Variants in TIAM1 observed in about 807,000 individuals in gnomAD.
The protein encoded by TIAM1 is TIAM Rac1 associated GEF 1, also known as rho guanine nucleotide exchange factor TIAM1.
A neutral mutation model predicts 163.5 loss-of-function variants in TIAM1; 65 were observed. The ratio of observed to expected loss-of-function variants is 0.40; its 90% CI spans 0.33 to 0.49. The LOEUF is 0.49. Among genes scored for constraint, TIAM1 ranks in the 20% least tolerant of loss-of-function variants. TIAM1 has a pLI of 0.77. For missense variants in TIAM1, 1,789 were observed against 2,044.7 expected (o/e 0.87, Z 2.41); for synonymous variants, 833 against 810.1 (o/e 1.03, Z -0.48).
chr21:31,480,441 T>C (rs1439755240), intron 1 of TIAM1, among the ~76,000 whole-genome samples: 2 of 152,228 alleles, frequency 1.3e-5, no homozygotes, highest in Admixed American at 6.5e-5. Context: ...TTGGGCTCTA[T>C]TGCCTAATAC....
At chr21:31,277,055 C>T (rs1390549403) in intron 2 of TIAM1, 147 bp from the exon 3 acceptor site, 1 of 152,222 alleles carries the variant, frequency 6.6e-6, no homozygotes, top group African/African-American at 2.4e-5. Context: ...GTTTGAACCA[C>T]AGCAACTCCA....
chr21:31,217,535 A>G lies in TIAM1; in HGVS notation c.2142+18T>C, dbSNP rs376998156. 1 of 1,610,900 alleles carries G rather than the reference A, an allele frequency of 6.2e-7. No homozygotes were observed. Among genetic ancestry groups the G allele is most frequent in the Non-Finnish European group, 8.5e-7 (1 of 1,178,192 alleles). ...AGTGATTTGTGCGGGCTCACTTTTC[A>G]TCTGCTCTGGAACCTACCTGATTGA... is the stretch of plus-strand genomic sequence containing the variant. On this transcript the variant is annotated intron_variant, in intron 9 of 27. Transcript: ENST00000541036.
chr21:31,215,969 T>A (rs1371861427), intron 9 of TIAM1, among the ~76,000 whole-genome samples: 1 of 152,184 alleles, frequency 6.6e-6, no homozygotes, highest in Non-Finnish European at 1.5e-5. Flanking sequence ...GAGACCAGCC[T>A]GGCCAACATG....
chr21:31,306,511 C>T (rs74599183), intron 2 of TIAM1, among the ~76,000 whole-genome samples: 22,810 of 152,086 alleles, frequency 0.15, 1,955 homozygotes, highest in Middle Eastern at 0.35. Flanking sequence ...GCTGTCTTAA[C>T]CAAGTGGCCA....
intron 1 of TIAM1, among the ~76,000 whole-genome samples, chr21:31,484,368 T>C (rs924400810): frequency 1.3e-5 from 2 of 152,220 alleles, no homozygotes; most frequent in Non-Finnish European, 2.9e-5. Flanking sequence ...TGCAGGCACA[T>C]ACCCGCAGGT....
chr21:31,558,545 G>A (rs1015115007), intron 1 of TIAM1, among the ~76,000 whole-genome samples: 1 of 152,142 alleles, frequency 6.6e-6, no homozygotes, highest in Non-Finnish European at 1.5e-5. Context: ...AAAATCAGCC[G>A]ATAAAATACA....
intron 3 of TIAM1, among the ~76,000 whole-genome samples, chr21:31,274,850 T>C (rs1366840480): frequency 6.6e-6 from 1 of 152,082 alleles, no homozygotes; most frequent in Non-Finnish European, 1.5e-5. Context: ...GGCTCACACC[T>C]GTAATCCCAG....
At position 31,353,835 on chromosome 21, in the gene TIAM1, C is replaced by CTTTTTTTTTTTTTTTTT. The variant is rs71193103; in HGVS notation, c.-368-14430_-368-14414dup. ...TGTTTTTATTTATTTATTTATTTAT[C>CTTTTTTTTTTTTTTTTT]TTTTTTTTTTTTTTTTTTTTTGAGA... On this transcript the variant is annotated intron_variant, in intron 2 of 28. Coordinates refer to the TIAM1 transcript ENST00000286827. Among the ~76,000 whole-genome samples the CTTTTTTTTTTTTTTTTT allele has an allele frequency of 2.2e-4, 16 of 71,248 alleles. 2 individuals are homozygous for CTTTTTTTTTTTTTTTTT. The highest frequency in any genetic ancestry group is 7.7e-4 in the Admixed American group (3 of 3,904). 46.7% of individuals were successfully genotyped at this position (71,248 alleles called of 152,430 possible).
At chr21:31,376,270 G>A (rs1009868506) in intron 2 of TIAM1, among the ~76,000 whole-genome samples, 2 of 151,942 alleles carry the variant, frequency 1.3e-5, no homozygotes, top group African/African-American at 4.8e-5. Context: ...CACCATCCCT[G>A]ATAAATGCAT....
At chr21:31,225,334 A>G (rs2087888969) in intron 7 of TIAM1, among the ~76,000 whole-genome samples, 1 of 152,078 alleles carries the variant, frequency 6.6e-6, no homozygotes, top group South Asian at 2.1e-4. Flanking sequence ...TACCTTTTCC[A>G]AATTAAGAAT....
intron 2 of TIAM1, among the ~76,000 whole-genome samples, chr21:31,310,228 A>G (rs950973507): frequency 2.0e-5 from 3 of 152,202 alleles, no homozygotes; most frequent in Non-Finnish European, 2.9e-5. Flanking sequence ...CGTCCCTGGA[A>G]GGCCTCCAAG....
At chr21:31,361,732 A>G (rs1307326302) in intron 2 of TIAM1, among the ~76,000 whole-genome samples, 2 of 152,220 alleles carry the variant, frequency 1.3e-5, no homozygotes, top group East Asian at 3.8e-4. Flanking sequence ...TTAATGACAG[A>G]TAAGACAACT....
intron 16 of TIAM1, among the ~76,000 whole-genome samples, chr21:31,157,588 C>G (rs190115093): frequency 6.6e-6 from 1 of 152,154 alleles, no homozygotes; most frequent in East Asian, 1.9e-4. Context: ...AGAAACCAAC[C>G]CTGAATAGAA....
At chr21:31,249,072 G>A (rs369175732) in intron 5 of TIAM1, among the ~76,000 whole-genome samples, 1 of 152,186 alleles carries the variant, frequency 6.6e-6, no homozygotes, top group South Asian at 2.1e-4. Flanking sequence ...CAAAGTCAGG[G>A]TCTGCTGAAG....
intron 2 of TIAM1, among the ~76,000 whole-genome samples, chr21:31,442,181 G>T (rs550525693): frequency 1.4e-5 from 2 of 147,510 alleles, no homozygotes; most frequent in South Asian, 4.4e-4. Flanking sequence ...GAGTGAAGCT[G>T]AGAGGGTCAG....
intron 23 of TIAM1, among the ~76,000 whole-genome samples, 195 bp downstream of exon 23, chr21:31,135,738 T>TG (rs1568891089): frequency 6.6e-6 from 1 of 152,196 alleles, no homozygotes. Flanking sequence ...TGTGGCTGAG[T>TG]GACCACATAG....
intron 6 of TIAM1, among the ~76,000 whole-genome samples, chr21:31,229,605 A>G (rs1165252068): frequency 6.6e-6 from 1 of 152,008 alleles, no homozygotes; most frequent in East Asian, 1.9e-4. Context: ...TGTATCGCTC[A>G]GTGGAAATGA....
In TIAM1 at chr21:31,221,617, A is replaced by G. The variant is rs989841401; in HGVS notation, c.1995+1789T>C. Reference sequence around the variant, plus strand: ...TTTGAAGAAAATAATGAAAGCATACAAGTTTTAGGGAGAAAGCAAAATTAT... The same window carrying G: ...TTTGAAGAAAATAATGAAAGCATACGAGTTTTAGGGAGAAAGCAAAATTAT... On this transcript the variant is annotated intron_variant, in intron 8 of 27. Transcript: ENST00000541036. Among the ~76,000 whole-genome samples, 7 of 152,248 alleles carry G rather than the reference A, an allele frequency of 4.6e-5. No homozygotes were observed. The South Asian group carries it at 1.4e-3, about 32-fold the overall frequency.
chr21:31,494,798 G>A (rs898252650), intron 1 of TIAM1, among the ~76,000 whole-genome samples: 1 of 152,200 alleles, frequency 6.6e-6, no homozygotes, highest in East Asian at 1.9e-4. Context: ...AGCCGAGATC[G>A]CACCACTGAA....
Sources: gnomAD v4.1 joint callset for allele counts (sites outside exome capture counted in the v4.1 genomes callset) on GRCh38, gnomAD v4.1.1 for gene constraint, MANE v1.5 for transcripts, NCBI Gene and HGNC (gene_info 2026-07-23, HGNC 2026-07-21) for gene names.